Variants in CFAP20DC observed in about 807,000 individuals in gnomAD.
The protein encoded by CFAP20DC is CFAP20 domain containing.
In CFAP20DC, 84 loss-of-function variants were observed where a neutral mutation model predicts 101.7. The ratio of observed to expected loss-of-function variants is 0.83; its 90% CI spans 0.69 to 0.99. The LOEUF is 0.99. Among genes scored for constraint, CFAP20DC ranks in the 50% least tolerant of loss-of-function variants. The pLI is 0.00. For synonymous variants in CFAP20DC, 359 were observed against 351.2 expected, an observed-to-expected ratio of 1.02 and a Z score of -0.25; for missense variants, 1,007 against 970.3, an observed-to-expected ratio of 1.04 and a Z score of -0.50.
chr3:59,040,207 T>TG (rs1159255727), intron 3 of CFAP20DC, among the ~76,000 whole-genome samples: 7 of 152,042 alleles, frequency 4.6e-5, no homozygotes, highest in Admixed American at 2.0e-4. Context: ...TTAACATATA[T>TG]TTAATTAATT....
chr3:58,810,190 C>T (rs1026049722), intron 14 of CFAP20DC, among the ~76,000 whole-genome samples: 24 of 152,184 alleles, frequency 1.6e-4, no homozygotes, highest in Admixed American at 1.5e-3. Flanking sequence ...GGAATCCTCC[C>T]TAACTCATTT....
chr3:58,749,517 T>A (rs2068424688), intron 16 of CFAP20DC, among the ~76,000 whole-genome samples: 1 of 152,206 alleles, frequency 6.6e-6, no homozygotes, highest in Non-Finnish European at 1.5e-5. Flanking sequence ...AAAATAAGCA[T>A]CTGCTACCCA....
chr3:58,813,813 T>C (rs1015099590), intron 14 of CFAP20DC, among the ~76,000 whole-genome samples: 1 of 151,928 alleles, frequency 6.6e-6, no homozygotes, highest in Non-Finnish European at 1.5e-5. Context: ...CCAATATCAA[T>C]GCATCACCAT....
chr3:58,741,700 G>A (rs2067892116), downstream of CFAP20DC, among the ~76,000 whole-genome samples: 1 of 151,948 alleles, frequency 6.6e-6, no homozygotes, highest in African/African-American at 2.4e-5. Flanking sequence ...GTTTCACTGT[G>A]TTAGCCAGGA....
chr3:59,009,858 A>G (rs1445266718), intron 4 of CFAP20DC, among the ~76,000 whole-genome samples: 1 of 152,090 alleles, frequency 6.6e-6, no homozygotes, highest in Non-Finnish European at 1.5e-5. Flanking sequence ...AAACCTATAA[A>G]GTTTCTAGCA....
chr3:58,748,002 A>G (rs776151081), intron 16 of CFAP20DC, among the ~76,000 whole-genome samples: 5 of 152,230 alleles, frequency 3.3e-5, no homozygotes, highest in Non-Finnish European at 5.9e-5. Context: ...CAATAGGTAC[A>G]TTACCCCTTT....
chr3:59,044,070 TA>T lies in CFAP20DC; in HGVS notation c.205+2158del, dbSNP rs1299985423. On this transcript the variant is annotated intron_variant, in intron 3 of 16. Coordinates refer to ENST00000482387, the MANE Select transcript of CFAP20DC (RefSeq NM_001394063.1). ...CAAATACAAGTTAAATCAGAAATAT[TA>T]TTTTTTAAAACAAAAAACATACTTA... is the stretch of plus-strand genomic sequence containing the variant. Among the ~76,000 whole-genome samples, 3 of 152,294 alleles carry T rather than the reference TA, an allele frequency of 2.0e-5. No individual in the cohort carries two copies. In the East Asian group the frequency reaches 5.8e-4, roughly 29 times the overall value.
rs1575580365 is a variant in CFAP20DC, at chr3:58,762,961, G to T, written c.2238-9098C>A. Among the ~76,000 whole-genome samples the T allele has an allele frequency of 4.6e-5, 7 of 152,280 alleles. No individual in the cohort carries two copies. The East Asian group carries it at 9.6e-4, about 21-fold the overall frequency. ...GCTAACCTGACCTTTCTCTCTGGCTGCCCTTAACATTTTTTCCTTCATTTC... is the reference window on the plus strand; with the variant it reads ...GCTAACCTGACCTTTCTCTCTGGCTTCCCTTAACATTTTTTCCTTCATTTC... On this transcript the variant is annotated intron_variant, in intron 15 of 16. Coordinates refer to ENST00000482387, the MANE Select transcript of CFAP20DC (RefSeq NM_001394063.1).
At chr3:58,837,855 A>C (rs1300823364) in intron 13 of CFAP20DC, among the ~76,000 whole-genome samples, 3 of 152,172 alleles carry the variant, frequency 2.0e-5, no homozygotes, top group African/African-American at 7.2e-5. Flanking sequence ...CTGCCATTTG[A>C]ATTCGAGGAT....
rs1294114763 is a variant in CFAP20DC, at chr3:58,788,257, TG to T, written c.2237+18137del. Reference sequence around the variant, plus strand: ...CGCAGTGAGAAAGGGAACCACAGCATGGTTGATTTGGGGCCGTCTATTGGAG... The same window carrying T: ...CGCAGTGAGAAAGGGAACCACAGCATGTTGATTTGGGGCCGTCTATTGGAG... On this transcript the variant is annotated intron_variant, in intron 15 of 16. Transcript: ENST00000482387. This position sits in a 1 kb window ranked among gnomAD's most constrained non-coding sequence, Gnocchi z 4.2. Among the ~76,000 whole-genome samples, 15 of 152,178 alleles carry T rather than the reference TG, an allele frequency of 9.9e-5. No homozygotes were observed. Among genetic ancestry groups the T allele is most frequent in the Admixed American group, 7.2e-4 (11 of 15,262 alleles).
chr3:58,974,566 G>C (rs1262747317), intron 4 of CFAP20DC, among the ~76,000 whole-genome samples: 1 of 152,090 alleles, frequency 6.6e-6, no homozygotes, highest in Non-Finnish European at 1.5e-5. Context: ...AGATGCACCT[G>C]AATATGTGTT....
intron 4 of CFAP20DC, among the ~76,000 whole-genome samples, chr3:58,957,499 G>A (rs1684886671): frequency 1.3e-5 from 2 of 152,130 alleles, no homozygotes; most frequent in South Asian, 4.1e-4. Flanking sequence ...TCTCACCACT[G>A]GGTATATACC....
rs549136293 is a variant in CFAP20DC, at chr3:58,856,848, TA to T, written c.1593+6709del. On this transcript the variant is annotated intron_variant, in intron 12 of 16. Coordinates refer to ENST00000482387, the MANE Select transcript of CFAP20DC (RefSeq NM_001394063.1). ...TAGCGAGACAGGGCTATCTTTTCTC[TA>T]ATTTTTTAAAATATTGCAGTTTATT... Among the ~76,000 whole-genome samples the T allele has an allele frequency of 3.5e-3, 539 of 152,358 alleles. 1 individual carries two copies. Among genetic ancestry groups the T allele is most frequent in the Non-Finnish European group, 4.6e-3 (314 of 68,036 alleles).
chr3:58,806,530 A>G, intron 14 of CFAP20DC, 74 bp from the exon 15 acceptor site: 1 of 1,037,428 alleles, frequency 9.6e-7, no homozygotes. Context: ...ATGCACTCTC[A>G]TTACTGTAAC....
In CFAP20DC at chr3:59,016,060, G is replaced by A. The variant is rs148220443; in HGVS notation, c.278+23497C>T. 7.4e-4 allele frequency among the ~76,000 whole-genome samples: 112 copies of A among 152,136 alleles called. 1 individual carries two copies. Among genetic ancestry groups the A allele is most frequent in the Admixed American group, 2.4e-3 (36 of 15,276 alleles). On this transcript the variant is annotated intron_variant, in intron 4 of 16. Coordinates refer to ENST00000482387, the MANE Select transcript of CFAP20DC (RefSeq NM_001394063.1). ...TGGTTCTTAAACTTCAAGTGTATCA[G>A]AATCACCTGAATGACCTGCTAAAAA...
chr3:58,944,928 T>C (rs2107908376), intron 4 of CFAP20DC, among the ~76,000 whole-genome samples: 1 of 152,338 alleles, frequency 6.6e-6, no homozygotes, highest in Non-Finnish European at 1.5e-5. Context: ...GAAGGATTTG[T>C]TGACTTAGCA....
chr3:58,994,021 A>G (rs377170788), intron 4 of CFAP20DC, among the ~76,000 whole-genome samples: 5 of 152,326 alleles, frequency 3.3e-5, no homozygotes, highest in African/African-American at 9.6e-5. Flanking sequence ...GTCTTCCACA[A>G]TGGTTGAACT....
chr3:58,721,563 C>T lies in CFAP20DC; in HGVS notation c.198-3935G>A, dbSNP rs149708620. Reference sequence around the variant, plus strand: ...GGAAGGAAGGGAGCAAGTCGTAGCACCCAAGACCCCAGGGTAGGAGAGCCC... The same window carrying T: ...GGAAGGAAGGGAGCAAGTCGTAGCATCCAAGACCCCAGGGTAGGAGAGCCC... On this transcript the variant is annotated intron_variant, in intron 3 of 3. Coordinates refer to the CFAP20DC transcript ENST00000486145. The surrounding 1 kb of genome is among the most constrained non-coding windows in gnomAD (Gnocchi z 5.2). Among the ~76,000 whole-genome samples, 506 of 152,228 alleles carry T rather than the reference C, an allele frequency of 3.3e-3. 1 individual carries two copies. Among genetic ancestry groups the T allele is most frequent in the African/African-American group, 0.011 (452 of 41,546 alleles).
chr3:58,918,681 G>A (rs1219717194), intron 5 of CFAP20DC, among the ~76,000 whole-genome samples: 1 of 151,506 alleles, frequency 6.6e-6, no homozygotes, highest in African/African-American at 2.4e-5. Flanking sequence ...AACCATACTG[G>A]CAACTCCTTT....
Sources: gnomAD v4.1 joint callset for allele counts (sites outside exome capture counted in the v4.1 genomes callset) on GRCh38, gnomAD v4.1.1 for gene constraint, Gnocchi (gnomAD v3.1) non-coding constraint, MANE v1.5 for transcripts, NCBI Gene and HGNC (gene_info 2026-07-23, HGNC 2026-07-21) for gene names.